The following SIK2 variants were observed in gnomAD, a reference collection of about 807,000 sequenced individuals.
SIK2 encodes salt inducible kinase 2, also known as serine/threonine-protein kinase SIK2.
SIK2 carries 29 observed loss-of-function variants against 103.2 expected under a neutral mutation model. The observed-to-expected ratio is 0.28, with a 90% CI of 0.21 to 0.38. The LOEUF (loss-of-function observed/expected upper bound fraction) is 0.38. Ranked by LOEUF, SIK2 falls within the 10% of genes least tolerant of loss-of-function variation. SIK2 has a pLI of 1.00. For synonymous variants in SIK2, 412 were observed against 446.1 expected, an observed-to-expected ratio of 0.92 and a Z score of 0.96; for missense variants, 879 against 1,171.0, an observed-to-expected ratio of 0.75 and a Z score of 3.64.
At chr11:111,717,251 G>A (rs1025983730) in intron 9 of SIK2, among the ~76,000 whole-genome samples, 21 of 129,066 alleles carry the variant, frequency 1.6e-4, no homozygotes, top group African/African-American at 5.8e-4. Flanking sequence ...GGGAGGCAGA[G>A]CTTGCAGTGA....
chr11:111,706,469 C>T (rs1379288904), intron 8 of SIK2, among the ~76,000 whole-genome samples: 3 of 152,112 alleles, frequency 2.0e-5, no homozygotes, highest in African/African-American at 7.2e-5. Flanking sequence ...CTGTCTACTT[C>T]TGTAACTGAC....
intron 9 of SIK2, among the ~76,000 whole-genome samples, chr11:111,717,100 G>A (rs1396929532): frequency 6.6e-6 from 1 of 151,872 alleles, no homozygotes; most frequent in East Asian, 1.9e-4. Context: ...GGATCACGAG[G>A]TCAGGAGATC....
chr11:111,703,865 A>C (rs1156964463), intron 7 of SIK2, among the ~76,000 whole-genome samples: 1 of 152,210 alleles, frequency 6.6e-6, no homozygotes, highest in Admixed American at 6.5e-5. Flanking sequence ...CTAAGAAGGC[A>C]AAAACAGGTG....
intron 3 of SIK2, among the ~76,000 whole-genome samples, chr11:111,648,849 A>G (rs1327755080): frequency 1.3e-5 from 2 of 152,158 alleles, no homozygotes; most frequent in East Asian, 3.8e-4. Context: ...TTCATCTGGA[A>G]CAAAAATGAG....
intron 1 of SIK2, among the ~76,000 whole-genome samples, chr11:111,605,364 T>C (rs1941636620): frequency 6.6e-6 from 1 of 152,228 alleles, no homozygotes; most frequent in South Asian, 2.1e-4. Context: ...TGGATAAATG[T>C]TTGTGTGTTT....
chr11:111,613,891 T>C (rs1411857359), intron 1 of SIK2, among the ~76,000 whole-genome samples: 1 of 152,068 alleles, frequency 6.6e-6, no homozygotes, highest in African/African-American at 2.4e-5. Context: ...AAACAACCTG[T>C]GGACAGCAAG....
intron 3 of SIK2, among the ~76,000 whole-genome samples, chr11:111,640,361 C>T (rs1942164403): frequency 6.6e-6 from 1 of 152,212 alleles, no homozygotes; most frequent in East Asian, 1.9e-4. Context: ...GCAGAATAAT[C>T]TCTTTTGCCC....
intron 9 of SIK2, among the ~76,000 whole-genome samples, chr11:111,719,315 T>C (rs903205746): frequency 2.0e-5 from 3 of 151,410 alleles, no homozygotes; most frequent in Non-Finnish European, 4.4e-5. Flanking sequence ...CCTTCCATTA[T>C]GTTTATGGTT....
rs1254837579 is a variant in SIK2, at chr11:111,698,679, C to G, written c.479-2207C>G. ...TGAGCTGAGATCGTGCCATTGCACT[C>G]TAGCCTGGGCAACAGAGCAAGACCC... On this transcript the variant is annotated intron_variant, in intron 4 of 14. Transcript: ENST00000304987. Among the ~76,000 whole-genome samples the G allele has an allele frequency of 2.6e-5, 4 of 152,282 alleles. No homozygotes were observed. In the East Asian group the frequency reaches 7.7e-4, roughly 29 times the overall value.
In SIK2 at chr11:111,722,495, T is replaced by C. The variant is rs1052035529; in HGVS notation, c.2056-170T>C. Among the ~76,000 whole-genome samples the C allele has an allele frequency of 3.3e-5, 5 of 152,258 alleles. No homozygotes were observed. Among genetic ancestry groups the C allele is most frequent in the Non-Finnish European group, 7.3e-5 (5 of 68,040 alleles). On this transcript the variant is annotated intron_variant, in intron 13 of 14. Transcript: ENST00000304987. This position sits in a 1 kb window ranked among gnomAD's most constrained non-coding sequence, Gnocchi z 4.4. The stretch of plus-strand genomic sequence containing the variant: ...GGTGAGGTCAGAGATGGCCCAGGCC[T>C]GCGGGCCCGATGCTCTTTCAGGGTC...
chr11:111,640,722 A>AT (rs58052684), intron 3 of SIK2, among the ~76,000 whole-genome samples: 30,769 of 65,724 alleles, frequency 0.47, 10,843 homozygotes, highest in East Asian at 0.69. Flanking sequence ...GAAACAGGCA[A>AT]TTTTTTTTTT....
In SIK2 at chr11:111,704,970, C is replaced by T. The variant is rs1218188662; in HGVS notation, c.949-17C>T. 6.3e-7 allele frequency: 1 copy of T among 1,591,884 alleles called. No individual in the cohort carries two copies. Among genetic ancestry groups the T allele is most frequent in the African/African-American group, 1.4e-5 (1 of 73,128 alleles). ...TCTTTACAGTTCTTTGCCTTTACCA[C>T]TTGTTTTTTATTTCAGTCTTTGCAG... On this transcript the variant is annotated splice_polypyrimidine_tract_variant and intron_variant, in intron 7 of 14. Transcript: ENST00000304987.
chr11:111,608,998 A>AT (rs1941683571), intron 1 of SIK2, among the ~76,000 whole-genome samples: 3 of 90,676 alleles, frequency 3.3e-5, no homozygotes, highest in South Asian at 1.2e-3. Context: ...ATTACTTTTA[A>AT]ATTTTTTTCT....
intron 4 of SIK2, among the ~76,000 whole-genome samples, chr11:111,690,354 CAAA>C (rs1942916650): frequency 6.6e-6 from 1 of 150,574 alleles, no homozygotes; most frequent in African/African-American, 2.4e-5. Flanking sequence ...CCCTTATTAC[CAAA>C]ACGAAATATT....
intron 3 of SIK2, among the ~76,000 whole-genome samples, chr11:111,650,690 A>G (rs576480450): frequency 6.6e-6 from 1 of 152,224 alleles, no homozygotes; most frequent in African/African-American, 2.4e-5. Flanking sequence ...AATCCTTTGA[A>G]TTGATTATGT....
At chr11:111,671,262 A>T (rs1591609402) in intron 3 of SIK2, 1 of 251,840 alleles carries the variant, frequency 4.0e-6, no homozygotes, top group Non-Finnish European at 7.9e-6. Flanking sequence ...CCAGGGCTAA[A>T]TTGATGTTCA....
chr11:111,665,368 G>C (rs925351902), intron 3 of SIK2, among the ~76,000 whole-genome samples: 4 of 152,038 alleles, frequency 2.6e-5, no homozygotes, highest in Non-Finnish European at 5.9e-5. Flanking sequence ...GGTGTGTGGT[G>C]GGGGTGCTTC....
chr11:111,655,108 A>G (rs1369550676), intron 3 of SIK2, among the ~76,000 whole-genome samples: 1 of 152,208 alleles, frequency 6.6e-6, no homozygotes, highest in East Asian at 1.9e-4. Flanking sequence ...TTTCAAAAAA[A>G]TGTTTTTCTC....
intron 3 of SIK2, among the ~76,000 whole-genome samples, chr11:111,684,505 C>T (rs17113182): frequency 0.024 from 3,591 of 152,094 alleles, 151 homozygotes; most frequent in African/African-American, 0.081. Flanking sequence ...TCTCATTTAG[C>T]GGTACAGCTT....
Sources: gnomAD v4.1 joint callset for allele counts (sites outside exome capture counted in the v4.1 genomes callset) on GRCh38, gnomAD v4.1.1 for gene constraint, Gnocchi (gnomAD v3.1) non-coding constraint, MANE v1.5 for transcripts, NCBI Gene and HGNC (gene_info 2026-07-23, HGNC 2026-07-21) for gene names.